Variants in ZNF385B observed in about 807,000 individuals in gnomAD.
ZNF385B encodes the protein zinc finger protein 385B.
Under a neutral mutation model 39.2 loss-of-function variants are expected in ZNF385B, and 23 were observed. That is an observed-to-expected ratio of 0.59 (90% CI 0.42 to 0.83). ZNF385B has a LOEUF of 0.83. Among genes scored for constraint, ZNF385B ranks in the 40% least tolerant of loss-of-function variants. The pLI is 0.00. For missense variants in ZNF385B, 552 were observed against 598.9 expected, an observed-to-expected ratio of 0.92 and a Z score of 0.82; for synonymous variants, 205 against 222.6, an observed-to-expected ratio of 0.92 and a Z score of 0.70.
At chr2:179,510,868 C>T (rs2105774967) in intron 5 of ZNF385B, among the ~76,000 whole-genome samples, 1 of 152,264 alleles carries the variant, frequency 6.6e-6, no homozygotes, top group East Asian at 1.9e-4. Flanking sequence ...AGAAACATAA[C>T]ATGCAGATAG....
intron 6 of ZNF385B, among the ~76,000 whole-genome samples, chr2:179,470,464 T>G (rs2052618149): frequency 6.7e-6 from 1 of 148,996 alleles, no homozygotes; most frequent in South Asian, 2.2e-4. Flanking sequence ...AAAGATGATT[T>G]TCCTTTGTGA....
chr2:179,720,629 C>G lies in ZNF385B; in HGVS notation c.298+48874G>C, dbSNP rs80352382. On this transcript the variant is annotated intron_variant, in intron 3 of 9. Transcript: ENST00000410066. ...AGAAATCCAAGCATATCAATTATCTCTATCAGCATAAATGGACTCAACTAT... is the reference window on the plus strand; with the variant it reads ...AGAAATCCAAGCATATCAATTATCTGTATCAGCATAAATGGACTCAACTAT... Among the ~76,000 whole-genome samples the G allele has an allele frequency of 8.7e-3, 1,316 of 152,020 alleles. 21 individuals are homozygous for G. Among genetic ancestry groups the G allele is most frequent in the African/African-American group, 0.03 (1,243 of 41,436 alleles).
At chr2:179,452,086 A>G (rs992967020) in intron 6 of ZNF385B, among the ~76,000 whole-genome samples, 2 of 152,142 alleles carry the variant, frequency 1.3e-5, no homozygotes, top group Non-Finnish European at 2.9e-5. Context: ...CAGGATTTTG[A>G]AGGAAAATTT....
intron 5 of ZNF385B, among the ~76,000 whole-genome samples, chr2:179,488,913 T>C (rs941816375): frequency 6.6e-6 from 1 of 152,088 alleles, no homozygotes; most frequent in Non-Finnish European, 1.5e-5. Context: ...GGGCTAGATA[T>C]TGTAAACGAT....
chr2:179,655,225 C>T (rs1693620668), intron 3 of ZNF385B, among the ~76,000 whole-genome samples: 1 of 152,118 alleles, frequency 6.6e-6, no homozygotes, highest in South Asian at 2.1e-4. Context: ...TCAAGAATTA[C>T]AAAGCCACAC....
chr2:179,636,702 C>A (rs1691788468), intron 3 of ZNF385B, among the ~76,000 whole-genome samples: 1 of 152,126 alleles, frequency 6.6e-6, no homozygotes, highest in Non-Finnish European at 1.5e-5. Context: ...ACTGTTGAAT[C>A]TTTTCCAATG....
chr2:179,615,450 T>C lies in ZNF385B; in HGVS notation c.299-70481A>G, dbSNP rs951633410. Reference sequence around the variant, plus strand: ...AACAAATCAGAAACTCTGTAGTCCATGTTTTAACAAGTCCTCTAAGTAATC... The same window carrying C: ...AACAAATCAGAAACTCTGTAGTCCACGTTTTAACAAGTCCTCTAAGTAATC... On this transcript the variant is annotated intron_variant, in intron 3 of 9. Transcript: ENST00000410066. Among the ~76,000 whole-genome samples, 3 of 152,212 alleles carry C rather than the reference T, an allele frequency of 2.0e-5. No individual in the cohort carries two copies. The South Asian group carries it at 6.2e-4, about 32-fold the overall frequency.
chr2:179,626,061 C>T (rs768414889), intron 3 of ZNF385B, among the ~76,000 whole-genome samples: 1 of 152,026 alleles, frequency 6.6e-6, no homozygotes, highest in Non-Finnish European at 1.5e-5. Flanking sequence ...TTTAAAGCAT[C>T]AATGTTTTAA....
intron 5 of ZNF385B, among the ~76,000 whole-genome samples, chr2:179,493,579 GTA>G (rs1433527318): frequency 8.2e-6 from 1 of 121,792 alleles, no homozygotes; most frequent in African/African-American, 2.8e-5. Flanking sequence ...ATACATATGT[GTA>G]TGTGTACATA....
chr2:179,798,393 A>G (rs1433993119), intron 1 of ZNF385B, among the ~76,000 whole-genome samples: 1 of 152,148 alleles, frequency 6.6e-6, no homozygotes, highest in Non-Finnish European at 1.5e-5. Context: ...CATTGTTTGT[A>G]GGCCATTTCA....
chr2:179,693,117 A>T (rs1054881439), intron 3 of ZNF385B, among the ~76,000 whole-genome samples: 1 of 152,184 alleles, frequency 6.6e-6, no homozygotes, highest in African/African-American at 2.4e-5. Context: ...CAATTTTTTC[A>T]TATTTTTCTA....
intron 1 of ZNF385B, among the ~76,000 whole-genome samples, chr2:179,797,897 A>G (rs1477695619): frequency 6.6e-6 from 1 of 152,112 alleles, no homozygotes; most frequent in Non-Finnish European, 1.5e-5. Context: ...CTCTAATCCT[A>G]CCATTCATTC....
chr2:179,547,251 TG>T (rs1016517936), intron 3 of ZNF385B, among the ~76,000 whole-genome samples: 4 of 149,712 alleles, frequency 2.7e-5, no homozygotes, highest in African/African-American at 1.0e-4. Flanking sequence ...TTGCTTTCCT[TG>T]CCTGTGCTTG....
chr2:179,714,942 C>CAAAAAAAAAAAA (rs34449760), intron 3 of ZNF385B, among the ~76,000 whole-genome samples: 9 of 79,248 alleles, frequency 1.1e-4, no homozygotes, highest in African/African-American at 3.5e-4. Context: ...GATTCTATCT[C>CAAAAAAAAAAAA]AAAAAAAAAA....
Position 179,588,092 on chromosome 2 carries a change from A to AT in ZNF385B, c.299-43124dup, listed in dbSNP as rs1006232763. ...CATTTGGCAGGCCCTTCTCTCTTTT[A>AT]TTTTTTTTCCCCCCAAGACAGAGTC... On this transcript the variant is annotated intron_variant, in intron 3 of 9. Transcript: ENST00000410066. Among the ~76,000 whole-genome samples the AT allele has an allele frequency of 5.3e-5, 8 of 151,430 alleles. No homozygotes were observed. In the East Asian group the frequency reaches 9.8e-4, roughly 18 times the overall value.
chr2:179,567,624 C>A (rs1684749138), intron 3 of ZNF385B, among the ~76,000 whole-genome samples: 1 of 152,178 alleles, frequency 6.6e-6, no homozygotes, highest in Admixed American at 6.5e-5. Flanking sequence ...CAATGCCTTG[C>A]ACATATTGTC....
intron 3 of ZNF385B, among the ~76,000 whole-genome samples, chr2:179,545,998 CTAACTA>C (rs1475600531): frequency 1.2e-4 from 18 of 151,944 alleles, no homozygotes; most frequent in African/African-American, 4.4e-4. Flanking sequence ...CTTATCCATT[CTAACTA>C]TATTTTTATT....
intron 3 of ZNF385B, among the ~76,000 whole-genome samples, chr2:179,650,381 GGA>G (rs1052629246): frequency 6.6e-6 from 1 of 152,188 alleles, no homozygotes; most frequent in African/African-American, 2.4e-5. Flanking sequence ...ACTGGTCCAT[GGA>G]GAATGTTTCC....
At chr2:179,476,188 G>T (rs1236774797) in intron 6 of ZNF385B, among the ~76,000 whole-genome samples, 1 of 152,080 alleles carries the variant, frequency 6.6e-6, no homozygotes, top group Non-Finnish European at 1.5e-5. Flanking sequence ...AGTAAGTAGA[G>T]TGTCATAAAA....
Sources: gnomAD v4.1 joint callset for allele counts (sites outside exome capture counted in the v4.1 genomes callset) on GRCh38, gnomAD v4.1.1 for gene constraint, MANE v1.5 for transcripts, NCBI Gene and HGNC (gene_info 2026-07-23, HGNC 2026-07-21) for gene names.